Variants in PPP1R35 observed in about 807,000 individuals in gnomAD.
PPP1R35 encodes UPF0683 protein C7orf47.
In PPP1R35, 23 loss-of-function variants were observed where a neutral mutation model predicts 22.2. That is an observed-to-expected ratio of 1.04 (90% CI 0.75 to 1.47). PPP1R35 has a LOEUF of 1.47. Among genes scored for constraint, PPP1R35 ranks in the 40% most tolerant of loss-of-function variants. The pLI, the probability that PPP1R35 is intolerant of heterozygous loss-of-function variation, is 0.00. For missense variants in PPP1R35, 409 were observed against 349.6 expected (o/e 1.17, Z -1.36); for synonymous variants, 198 against 165.7 (o/e 1.19, Z -1.50).
At position 100,435,989 on chromosome 7, in the gene PPP1R35, G is replaced by T. The variant is rs1285979765; in HGVS notation, c.310C>A (p.Pro104Thr). The T allele has an allele frequency of 6.4e-7, 1 of 1,563,816 alleles. No individual in the cohort carries two copies. The highest frequency in any genetic ancestry group is 8.6e-7 in the Non-Finnish European group (1 of 1,161,102). The stretch of plus-strand genomic sequence containing the variant: ...AAGGCCAGGCTGCTCTTCAGCACGG[G>T]CATCTCCAGCTCCTGCGGCACCGCA... Reference protein sequence around the residue: ...QPAVPQELEMPVLKSSLALGL... With the variant: ...QPAVPQELEMTVLKSSLALGL... The change falls in exon 2 of 4, where the codon CCC becomes ACC. Residue 104 changes from proline to threonine, a missense_variant. Coordinates refer to ENST00000292330, the MANE Select transcript of PPP1R35 (RefSeq NM_145030.4).
Position 100,436,156 on chromosome 7 carries a change from A to AGCCGCGCCCC in PPP1R35, c.209_218dup (p.Arg74GlyfsTer55). On this transcript the variant is annotated frameshift_variant, in exon 1 of 4. Coordinates refer to ENST00000292330, the MANE Select transcript of PPP1R35 (RefSeq NM_145030.4). LOFTEE classifies it high-confidence loss of function. ...CCCCGCTCACCTGCCGCCGCTGCCGAGCCGCGCCCCGCCGCTCCGCCCGCC... is the reference window on the plus strand; with the variant it reads ...CCCCGCTCACCTGCCGCCGCTGCCGAGCCGCGCCCCGCCGCGCCCCGCCGCTCCGCCCGCC... The AGCCGCGCCCC allele has an allele frequency of 8.0e-7, 1 of 1,248,106 alleles. No individual in the cohort carries two copies. Among genetic ancestry groups the AGCCGCGCCCC allele is most frequent in the Non-Finnish European group, 1.0e-6 (1 of 1,000,742 alleles). 77.3% of individuals were successfully genotyped at this position (1,248,106 alleles called of 1,614,324 possible). A position where few individuals can be genotyped will look rare whatever the true frequency, so the allele number is the denominator to read the frequency against.
rs1359374963 is a variant in PPP1R35, at chr7:100,435,631, C to T, written c.588G>A (p.Lys196=). ...LPPQARAPHP[K]EPPGPGPDMT... ...AAGCCCCACGCCCAGACCCCATCAC[C>T]TTTGGGTGCGGGGCTCGAGCCTGTG... The change falls in exon 3 of 4, where the codon AAG becomes AAA. Residue 196 remains lysine, a splice_region_variant and synonymous_variant. Transcript: ENST00000292330. 3 of 1,612,680 alleles carry T rather than the reference C, an allele frequency of 1.9e-6. No homozygotes were observed. Among genetic ancestry groups the T allele is most frequent in the East Asian group, 2.2e-5 (1 of 44,860 alleles).
rs920757871 is a variant in PPP1R35 at position 100,436,016 on chromosome 7, G to A, written c.283C>T (p.Pro95Ser). 3 of 1,547,194 alleles carry A rather than the reference G, an allele frequency of 1.9e-6. No homozygotes were observed. Among genetic ancestry groups the A allele is most frequent in the Non-Finnish European group, 2.6e-6 (3 of 1,152,640 alleles). The change falls in exon 2 of 4, where the codon CCT (proline) becomes TCT (serine). Residue 95 changes from proline (P) to serine (S), a missense_variant. Pro to Ser is a moderately conservative substitution (Grantham distance 74). Transcript: ENST00000292330. ...ATCTCCAGCTCCTGCGGCACCGCAGGCTGCGGCTCGGACCGCACCGGGGAG... is the reference window on the plus strand; with the variant it reads ...ATCTCCAGCTCCTGCGGCACCGCAGACTGCGGCTCGGACCGCACCGGGGAG... Reference protein sequence around the residue: ...PPSPVRSEPQPAVPQELEMPV... With the variant: ...PPSPVRSEPQSAVPQELEMPV...
intron 1 of PPP1R35, 26 bp downstream of exon 1, chr7:100,436,115 G>A (rs1198967096): frequency 7.1e-7 from 1 of 1,412,168 alleles, no homozygotes; most frequent in Non-Finnish European, 9.2e-7. Context: ...GCCGTCGCGG[G>A]CCGGGGGCCA....
At chr7:100,435,602 GA>G (rs758050063) in intron 3 of PPP1R35, 28 bp downstream of exon 3, 1 of 1,614,016 alleles carries the variant, frequency 6.2e-7, no homozygotes, top group Non-Finnish European at 8.5e-7. Flanking sequence ...GGGGTACATG[GA>G]GGAAGCCCCA....
chr7:100,435,337 A>G lies in PPP1R35; in HGVS notation c.*23T>C. The stretch of plus-strand genomic sequence containing the variant: ...ATAGTTTAACACAAAAATACGAACT[A>G]GCCCTCCAGGGATCTTTGGGGTCTA... On this transcript the variant is annotated 3_prime_UTR_variant, in exon 4 of 4. Transcript: ENST00000292330. The G allele has an allele frequency of 6.4e-7, 1 of 1,566,064 alleles. No homozygotes were observed. The highest frequency in any genetic ancestry group is 8.6e-7 in the Non-Finnish European group (1 of 1,160,540).
At chr7:100,435,610 C>T (rs1301388286) in intron 3 of PPP1R35, 21 bp downstream of exon 3, 8 of 1,613,888 alleles carry the variant, frequency 5.0e-6, no homozygotes, top group African/African-American at 4.0e-5. Context: ...TGGAGGAAGC[C>T]CCACGCCCAG....
rs1462087171 is a variant in PPP1R35, at chr7:100,435,891, C to T, written c.408G>A (p.Lys136=). The T allele has an allele frequency of 6.2e-7, 1 of 1,600,496 alleles. No homozygotes were observed. The highest frequency in any genetic ancestry group is 1.7e-5 in the Admixed American group (1 of 59,264). ...CCAGGCCGCAGCGGATCTGGAACGA[C>T]TTTCTCAGCTGTTCCTCCACGGCCT... ...AAKAVEEQLR[K]SFQIRCGLEE... is the part of the protein sequence containing the mutation. Residue 136 remains lysine (K), a synonymous_variant, in exon 2 of 4, where the codon AAG becomes AAA. Coordinates refer to ENST00000292330, the MANE Select transcript of PPP1R35 (RefSeq NM_145030.4).
Position 100,435,346 on chromosome 7 carries a change from G to C in PPP1R35, c.*14C>G. 1 of 1,574,752 alleles carries C rather than the reference G, an allele frequency of 6.4e-7. No homozygotes were observed. Among genetic ancestry groups the C allele is most frequent in the South Asian group, 1.2e-5 (1 of 85,812 alleles). On this transcript the variant is annotated 3_prime_UTR_variant, in exon 4 of 4. Transcript: ENST00000292330. Reference sequence around the variant, plus strand: ...CACAAAAATACGAACTAGCCCTCCAGGGATCTTTGGGGTCTACGCTTCCCA... The same window carrying C: ...CACAAAAATACGAACTAGCCCTCCACGGATCTTTGGGGTCTACGCTTCCCA...
At position 100,436,197 on chromosome 7, in the gene PPP1R35, G is replaced by A. The variant is rs2131015332; in HGVS notation, c.178C>T (p.Pro60Ser). 3.2e-6 allele frequency: 4 copies of A among 1,242,500 alleles called. No individual in the cohort carries two copies. The highest frequency in any genetic ancestry group is 4.0e-6 in the Non-Finnish European group (4 of 995,502). The allele number at this position is 1,242,500 out of a possible 1,614,324, so 77.0% of individuals were successfully genotyped here. A position where few individuals can be genotyped will look rare whatever the true frequency, so the allele number is the denominator to read the frequency against. ...PDSPQPRHGSPGRRKGRAERR... is the reference protein window; with the variant it reads ...PDSPQPRHGSSGRRKGRAERR... ...TCCGCCCGCCCCTTCCGCCGCCCGG[G>A]GCTGCCGTGCCGCGGCTGAGGGCTG... is the stretch of plus-strand genomic sequence containing the variant. Residue 60 changes from proline to serine, a missense_variant, in exon 1 of 4, where the codon CCC becomes TCC. By Grantham distance (74) the Pro-to-Ser change is moderately conservative. Coordinates refer to ENST00000292330, the MANE Select transcript of PPP1R35 (RefSeq NM_145030.4).
intron 3 of PPP1R35, 34 bp from the exon 4 acceptor site, chr7:100,435,567 C>CTT (rs765037377): frequency 6.2e-7 from 1 of 1,614,196 alleles, no homozygotes; most frequent in East Asian, 2.2e-5. Context: ...CAAGGTTACA[C>CTT]TTTGGGAGGA....
chr7:100,436,577 C>G (rs868845971), upstream of PPP1R35: 1 of 407,130 alleles, frequency 2.5e-6, no homozygotes, highest in South Asian at 6.9e-5. Context: ...TCGCTCCGTC[C>G]CCAGGTTTCC....
At position 100,436,142 on chromosome 7, in the gene PPP1R35, T is replaced by C. The variant is rs1021174705; in HGVS notation, c.233A>G (p.Gln78Arg). The change falls in exon 1 of 4, where the codon CAG becomes CGG. Residue 78 changes from glutamine to arginine, a missense_variant and splice_region_variant. Transcript: ENST00000292330. The stretch of plus-strand genomic sequence containing the variant: ...CGGGGGCCAGCCTCCCCCGCTCACC[T>C]GCCGCCGCTGCCGAGCCGCGCCCCG... ...ERRGAARQRRQVRFRLTPPSP... is the reference protein window; with the variant it reads ...ERRGAARQRRRVRFRLTPPSP... 9 of 1,271,060 alleles carry C rather than the reference T, an allele frequency of 7.1e-6. No homozygotes were observed. In the African/African-American group the frequency reaches 1.4e-4, roughly 20 times the overall value. 78.7% of individuals were successfully genotyped at this position (1,271,060 alleles called of 1,614,324 possible). A position where few individuals can be genotyped will look rare whatever the true frequency, so the allele number is the denominator to read the frequency against.
rs760212227 is a variant in PPP1R35 at position 100,435,419 on chromosome 7, G to A, written c.703C>T (p.Pro235Ser). 4 of 1,612,652 alleles carry A rather than the reference G, an allele frequency of 2.5e-6. No individual in the cohort carries two copies. In the East Asian group the frequency reaches 8.9e-5, roughly 36 times the overall value. ...AGGAAGGTGTCCTCTGAAGGGCGGG[G>A]CCGGAGTTGAAGTCGGAGAGGGGGC... ...GLPPLRLQLR[P>S]RPSEDTFLMH... Residue 235 changes from proline (P) to serine (S), a missense_variant, in exon 4 of 4, where the codon CCC becomes TCC. Physicochemically the swap from Pro to Ser is moderately conservative, Grantham distance 74. Transcript: ENST00000292330.
chr7:100,436,323 C>T lies in PPP1R35; in HGVS notation c.52G>A (p.Ala18Thr). The part of the protein sequence containing the change: ...SELKSADGEE[A>T]AAVPGPPPEP... Reference sequence around the variant, plus strand: ...GGGGGTGGCCCCGGGACCGCCGCGGCTTCTTCCCCGTCCGCCGACTTCAGC... The same window carrying T: ...GGGGGTGGCCCCGGGACCGCCGCGGTTTCTTCCCCGTCCGCCGACTTCAGC... The change falls in exon 1 of 4, where the codon GCC (alanine) becomes ACC (threonine). Residue 18 changes from alanine (A) to threonine (T), a missense_variant. Coordinates refer to ENST00000292330, the MANE Select transcript of PPP1R35 (RefSeq NM_145030.4). 7.2e-7 allele frequency: 1 copy of T among 1,392,986 alleles called. No individual in the cohort carries two copies. The highest frequency in any genetic ancestry group is 9.4e-7 in the Non-Finnish European group (1 of 1,065,264). 86.3% of individuals were successfully genotyped at this position (1,392,986 alleles called of 1,614,324 possible). A position where few individuals can be genotyped will look rare whatever the true frequency, so the allele number is the denominator to read the frequency against.
chr7:100,436,420 C>A lies in PPP1R35; in HGVS notation c.-46G>T. 1 of 1,395,192 alleles carries A rather than the reference C, an allele frequency of 7.2e-7. No individual in the cohort carries two copies. The highest frequency in any genetic ancestry group is 1.4e-5 in the South Asian group (1 of 71,636). The allele number at this position is 1,395,192 out of a possible 1,614,324, so 86.4% of individuals were successfully genotyped here. On this transcript the variant is annotated 5_prime_UTR_variant, in exon 1 of 4. Coordinates refer to ENST00000292330, the MANE Select transcript of PPP1R35 (RefSeq NM_145030.4). ...TGCGGGGATGCGGGGGTCGCAGACG[C>A]TCCAACGGTCAGGGGACACAGCCTG...
In PPP1R35 at chr7:100,436,405, CG is replaced by C; in HGVS notation, c.-32del. On this transcript the variant is annotated 5_prime_UTR_variant, in exon 1 of 4. Transcript: ENST00000292330. The stretch of plus-strand genomic sequence containing the variant: ...GAGGTGCCTTGAGGGTGCGGGGATG[CG>C]GGGGTCGCAGACGCTCCAACGGTCA... 6.8e-6 allele frequency: 10 copies of C among 1,466,040 alleles called. No individual in the cohort carries two copies. The highest frequency in any genetic ancestry group is 5.4e-5 in the East Asian group (2 of 36,912). 90.8% of individuals were successfully genotyped at this position (1,466,040 alleles called of 1,614,324 possible). A position where few individuals can be genotyped will look rare whatever the true frequency, so the allele number is the denominator to read the frequency against.
rs1798882680 is a variant in PPP1R35, at chr7:100,436,155, G to A, written c.220C>T (p.Arg74Trp). The A allele has an allele frequency of 1.7e-5, 21 of 1,251,716 alleles. No homozygotes were observed. Among genetic ancestry groups the A allele is most frequent in the South Asian group, 3.2e-5 (1 of 31,048 alleles). 77.5% of individuals were successfully genotyped at this position (1,251,716 alleles called of 1,614,324 possible). The change falls in exon 1 of 4, where the codon CGG becomes TGG. Residue 74 changes from arginine (R) to tryptophan (W), a missense_variant. Physicochemically the swap from Arg to Trp is moderately radical, Grantham distance 101. Transcript: ENST00000292330. Reference sequence around the variant, plus strand: ...CCCCCGCTCACCTGCCGCCGCTGCCGAGCCGCGCCCCGCCGCTCCGCCCGC... The same window carrying A: ...CCCCCGCTCACCTGCCGCCGCTGCCAAGCCGCGCCCCGCCGCTCCGCCCGC... ...KGRAERRGAA[R>W]QRRQVRFRLT...
Position 100,436,064 on chromosome 7 carries a change from C to A in PPP1R35, c.235G>T (p.Val79Phe). Residue 79 changes from valine to phenylalanine, a missense_variant and splice_region_variant, in exon 2 of 4, where the codon GTC (valine) becomes TTC (phenylalanine). Physicochemically the swap from Val to Phe is conservative, Grantham distance 50. Transcript: ENST00000292330. ...RRGAARQRRQ[V>F]RFRLTPPSPV... ...GAGGGCGGCGTCAGGCGGAAGCGGA[C>A]CTGGGAGCAGAGGGCAGGGCAGTGA... 6.5e-7 allele frequency: 1 copy of A among 1,533,648 alleles called. No individual in the cohort carries two copies. The highest frequency in any genetic ancestry group is 2.4e-5 in the East Asian group (1 of 40,872).
Sources: gnomAD v4.1 joint callset for allele counts on GRCh38, gnomAD v4.1.1 for gene constraint, MANE v1.5 for transcripts, NCBI Gene and HGNC (gene_info 2026-07-23, HGNC 2026-07-21) for gene names.